Variants in R3HDM1 observed in about 807,000 individuals in gnomAD.
The protein encoded by R3HDM1 is R3H domain containing 1, also known as R3H domain-containing protein 1.
R3HDM1 carries 46 observed loss-of-function variants against 141.1 expected under a neutral mutation model. The observed-to-expected ratio is 0.33, with a 90% confidence interval of 0.26 to 0.42. R3HDM1 has a LOEUF of 0.42. Ranked by LOEUF, R3HDM1 falls within the 10% of genes least tolerant of loss-of-function variation. The pLI is 1.00. For missense variants in R3HDM1, 1,184 were observed against 1,368.3 expected (o/e 0.87, Z 2.12); for synonymous variants, 435 against 472.9 (o/e 0.92, Z 1.04).
intron 21 of R3HDM1, among the ~76,000 whole-genome samples, chr2:135,706,379 G>GT (rs1420400785): frequency 4.3e-5 from 6 of 138,838 alleles, no homozygotes; most frequent in African/African-American, 9.2e-5. Context: ...TTTTGTTTTT[G>GT]TTTTTGTTTT....
chr2:135,597,658 G>A (rs903481325), intron 1 of R3HDM1, among the ~76,000 whole-genome samples: 13 of 152,078 alleles, frequency 8.5e-5, no homozygotes, highest in African/African-American at 2.7e-4. Flanking sequence ...CTAATGAAAC[G>A]GGATTGGATA....
intron 1 of R3HDM1, among the ~76,000 whole-genome samples, chr2:135,547,788 T>TTTTC (rs1699038105): frequency 1.6e-5 from 2 of 124,858 alleles, no homozygotes; most frequent in African/African-American, 7.9e-5. Flanking sequence ...TTTTTTTTTT[T>TTTTC]CTTGAGACAG....
intron 1 of R3HDM1, among the ~76,000 whole-genome samples, chr2:135,600,772 C>T (rs927927715): frequency 2.0e-5 from 3 of 152,152 alleles, no homozygotes; most frequent in Non-Finnish European, 2.9e-5. Context: ...TTTGGTCACA[C>T]ATACTGGTTG....
At chr2:135,540,348 T>TTTGTAAC (rs1697198128) in intron 1 of R3HDM1, among the ~76,000 whole-genome samples, 1 of 152,234 alleles carries the variant, frequency 6.6e-6, no homozygotes. Flanking sequence ...TTGTTGATAT[T>TTTGTAAC]TTGTAACTTC....
intron 1 of R3HDM1, among the ~76,000 whole-genome samples, chr2:135,579,871 A>C (rs1166936327): frequency 6.6e-6 from 1 of 152,186 alleles, no homozygotes; most frequent in Non-Finnish European, 1.5e-5. Flanking sequence ...GTAACACATT[A>C]TAAGGGGAAG....
chr2:135,666,288 T>G (rs2067482227), intron 19 of R3HDM1, among the ~76,000 whole-genome samples: 2 of 151,876 alleles, frequency 1.3e-5, no homozygotes, highest in Admixed American at 6.6e-5. Flanking sequence ...GATAGGAGAG[T>G]CGGCTATGTC....
At position 135,719,744 on chromosome 2, in the gene R3HDM1, TTC is replaced by T. The variant is rs2076524961; in HGVS notation, c.2882-2176_2882-2175del. On this transcript the variant is annotated intron_variant, in intron 24 of 26. Coordinates refer to ENST00000683871, the MANE Select transcript of R3HDM1 (RefSeq NM_001378107.1). Reference sequence around the variant, plus strand: ...GGGATTCCAGAATTTTTAAGCAATGTTCTCTGTATTCTGTTAATGCTAAGTTT... The same window carrying T: ...GGGATTCCAGAATTTTTAAGCAATGTTCTGTATTCTGTTAATGCTAAGTTT... Among the ~76,000 whole-genome samples the T allele has an allele frequency of 2.0e-5, 3 of 152,216 alleles. 1 individual carries two copies. Among genetic ancestry groups the T allele is most frequent in the Admixed American group, 2.0e-4 (3 of 15,280 alleles).
intron 17 of R3HDM1, 39 bp from the exon 18 acceptor site, chr2:135,651,691 G>A (rs201010155): frequency 2.6e-6 from 4 of 1,568,020 alleles, no homozygotes; most frequent in East Asian, 2.3e-5. Flanking sequence ...TGGCCTATGT[G>A]TAGAAGGCTT....
chr2:135,630,290 A>AAAC (rs2062548391), intron 7 of R3HDM1, among the ~76,000 whole-genome samples: 1 of 143,686 alleles, frequency 7.0e-6, no homozygotes, highest in African/African-American at 2.7e-5. Flanking sequence ...CCAAAAAAAA[A>AAAC]AAAAAAAAAA....
chr2:135,566,785 T>C (rs1702877714), intron 1 of R3HDM1: 1 of 984,720 alleles, frequency 1.0e-6, no homozygotes, highest in South Asian at 4.7e-5. Flanking sequence ...CTCACGCCTG[T>C]AATCATGGTG....
At chr2:135,621,849 T>A in intron 6 of R3HDM1, 1 of 981,564 alleles carries the variant, frequency 1.0e-6, no homozygotes, top group Non-Finnish European at 1.2e-6. Flanking sequence ...AATCTCTTAC[T>A]GGTCCCTCAC....
rs1039720477 is a variant in R3HDM1, at chr2:135,716,373, C to T, written c.2881+679C>T. On this transcript the variant is annotated intron_variant, in intron 24 of 26. Transcript: ENST00000683871. ...CATTTATTAAGGAAATGGCTATGCCCTTGGTGTATAAAGATGAATAAGGAG... is the reference window on the plus strand; with the variant it reads ...CATTTATTAAGGAAATGGCTATGCCTTTGGTGTATAAAGATGAATAAGGAG... Among the ~76,000 whole-genome samples the T allele has an allele frequency of 1.1e-3, 169 of 152,264 alleles. 1 individual carries two copies. Among genetic ancestry groups the T allele is most frequent in the African/African-American group, 3.8e-3 (160 of 41,560 alleles).
In R3HDM1 at chr2:135,697,148, G is replaced by T. The variant is rs969981908; in HGVS notation, c.2460-12285G>T. Among the ~76,000 whole-genome samples the T allele has an allele frequency of 2.4e-4, 37 of 152,034 alleles. No individual in the cohort carries two copies. The East Asian group carries it at 3.5e-3, about 14-fold the overall frequency. Reference sequence around the variant, plus strand: ...AGCCCCACCTTTACTAAAAATACAAGAAATTAGCTGGAAGTGGTGGCATAC... The same window carrying T: ...AGCCCCACCTTTACTAAAAATACAATAAATTAGCTGGAAGTGGTGGCATAC... On this transcript the variant is annotated intron_variant, in intron 21 of 26. Transcript: ENST00000683871.
At chr2:135,645,345 A>C (rs750073567) in intron 15 of R3HDM1, 34 bp from the exon 16 acceptor site, 1 of 1,553,916 alleles carries the variant, frequency 6.4e-7, no homozygotes. Flanking sequence ...CCTGTATTCT[A>C]AGTTATTTTT....
At chr2:135,691,141 T>G (rs973102500) in intron 21 of R3HDM1, among the ~76,000 whole-genome samples, 2 of 152,220 alleles carry the variant, frequency 1.3e-5, no homozygotes, top group Non-Finnish European at 2.9e-5. Context: ...TGAAAATATT[T>G]GAAATTTCAA....
In R3HDM1 at chr2:135,558,479, TAATA is replaced by T. The variant is rs1052823690; in HGVS notation, c.-250+26852_-250+26855del. ...TTGTAAAATGAGAGTAAATATCTTA[TAATA>T]AATAACCTTAGTGGGTTATTTTAAG... On this transcript the variant is annotated intron_variant, in intron 1 of 26. Transcript: ENST00000683871. Among the ~76,000 whole-genome samples the T allele has an allele frequency of 7.3e-5, 11 of 151,272 alleles. No homozygotes were observed. In the East Asian group the frequency reaches 1.6e-3, roughly 21 times the overall value.
chr2:135,712,191 G>A (rs999319940), intron 23 of R3HDM1, among the ~76,000 whole-genome samples: 2 of 151,976 alleles, frequency 1.3e-5, no homozygotes, highest in Admixed American at 1.3e-4. Flanking sequence ...TTTATCTTTT[G>A]TTGAGAAAAG....
intron 16 of R3HDM1, 69 bp downstream of exon 16, chr2:135,645,596 A>C (rs1176343419): frequency 3.3e-6 from 5 of 1,520,746 alleles, no homozygotes; most frequent in African/African-American, 2.8e-5. Context: ...AAATTCGCTA[A>C]TTATAATTGA....
chr2:135,651,705 A>G, intron 17 of R3HDM1, 25 bp from the exon 18 acceptor site: 1 of 1,578,752 alleles, frequency 6.3e-7, no homozygotes, highest in Non-Finnish European at 8.6e-7. Flanking sequence ...AAGGCTTACT[A>G]ATTTTTGACT....
Sources: allele counts gnomAD v4.1 joint callset (sites outside exome capture counted in the v4.1 genomes callset), GRCh38; gene constraint gnomAD v4.1.1; transcripts MANE v1.5; gene names NCBI Gene and HGNC (gene_info 2026-07-23, HGNC 2026-07-21).